PCDHA2: variants seen among roughly 807,000 people sequenced by gnomAD.
PCDHA2 encodes protocadherin alpha 2, also known as protocadherin alpha-2.
PCDHA2 carries 58 observed loss-of-function variants against 66.0 expected under a neutral mutation model. The ratio of observed to expected loss-of-function variants is 0.88; its 90% CI spans 0.71 to 1.09. The LOEUF (loss-of-function observed/expected upper bound fraction) is 1.09. PCDHA2 is among the 50% of genes least tolerant of loss of function. The pLI, the probability that PCDHA2 is intolerant of heterozygous loss-of-function variation, is 0.00. For synonymous variants in PCDHA2, 634 were observed against 554.0 expected, an observed-to-expected ratio of 1.14 and a Z score of -2.03; for missense variants, 1,267 against 1,242.3, an observed-to-expected ratio of 1.02 and a Z score of -0.30.
At chr5:140,836,137 TG>T in intron 1 of PCDHA2, 1 of 1,613,712 alleles carries the variant, frequency 6.2e-7, no homozygotes, top group Non-Finnish European at 8.5e-7. Context: ...CCGCGGTCTG[TG>T]GGCGCGGGCC....
At chr5:140,889,677 A>C (rs2062337974) in intron 1 of PCDHA2, among the ~76,000 whole-genome samples, 1 of 152,018 alleles carries the variant, frequency 6.6e-6, no homozygotes, top group Non-Finnish European at 1.5e-5. Flanking sequence ...TTTTATTTTA[A>C]ACCTTTTAGT....
intron 1 of PCDHA2, chr5:140,801,211 G>A (rs782110175): frequency 3.7e-6 from 6 of 1,605,724 alleles, no homozygotes; most frequent in South Asian, 2.2e-5. Flanking sequence ...TTGTTCTCCT[G>A]GCGAGAAGAT....
At chr5:140,983,473 ATAG>A (rs746174585) in intron 3 of PCDHA2, among the ~76,000 whole-genome samples, 7 of 152,242 alleles carry the variant, frequency 4.6e-5, no homozygotes, top group Admixed American at 6.5e-5. Flanking sequence ...CATGATGATA[ATAG>A]TAGTTACTAA....
chr5:140,989,240 C>T (rs1180879985), intron 3 of PCDHA2, among the ~76,000 whole-genome samples: 1 of 152,152 alleles, frequency 6.6e-6, no homozygotes, highest in Non-Finnish European at 1.5e-5. Flanking sequence ...AAGTTTTAAG[C>T]CCCTTGTCAA....
intron 1 of PCDHA2, chr5:140,870,383 G>C: frequency 6.2e-7 from 1 of 1,614,242 alleles, no homozygotes; most frequent in South Asian, 1.1e-5. Flanking sequence ...GTGACTGCGC[G>C]GGATGGGGGT....
intron 1 of PCDHA2, chr5:140,869,187 C>G (rs782446170): frequency 2.5e-6 from 4 of 1,613,830 alleles, no homozygotes; most frequent in African/African-American, 1.3e-5. Flanking sequence ...AGGTGGGGAG[C>G]GGCCAGCTCC....
chr5:140,879,564 A>G (rs1232052888), intron 1 of PCDHA2, among the ~76,000 whole-genome samples: 2 of 152,254 alleles, frequency 1.3e-5, no homozygotes, highest in Non-Finnish European at 1.5e-5. Context: ...CCATGAAAGA[A>G]TAAAATTGCC....
chr5:140,967,112 C>T (rs1338076103), intron 1 of PCDHA2: 4 of 1,612,876 alleles, frequency 2.5e-6, no homozygotes, highest in East Asian at 2.2e-5. Flanking sequence ...GCAGCGGCCT[C>T]GCTGCCTGCT....
chr5:140,876,120 T>C (rs782687154), intron 1 of PCDHA2: 15 of 1,613,844 alleles, frequency 9.3e-6, no homozygotes, highest in East Asian at 6.7e-5. Context: ...TGGTAATCGA[T>C]GGCGGTAAAC....
chr5:140,908,834 G>A (rs915665508), intron 1 of PCDHA2, among the ~76,000 whole-genome samples: 64 of 152,226 alleles, frequency 4.2e-4, no homozygotes, highest in African/African-American at 1.4e-3. Flanking sequence ...CGATAAATGG[G>A]CTGGAGTAAC....
At chr5:140,950,791 A>T (rs2153690738) in intron 1 of PCDHA2, among the ~76,000 whole-genome samples, 1 of 152,142 alleles carries the variant, frequency 6.6e-6, no homozygotes, top group East Asian at 1.9e-4. Flanking sequence ...CTTTTTAAAT[A>T]TTGTCTGGTT....
chr5:140,801,616 T>C, intron 1 of PCDHA2: 1 of 1,614,082 alleles, frequency 6.2e-7, no homozygotes, highest in Non-Finnish European at 8.5e-7. Flanking sequence ...GTAAAGAATC[T>C]GTTTATTTCC....
intron 1 of PCDHA2, chr5:140,876,605 A>T (rs1582292779): frequency 6.2e-7 from 1 of 1,614,060 alleles, no homozygotes; most frequent in South Asian, 1.1e-5. Context: ...TCGGATCGTG[A>T]CTCTGGAGCC....
Position 140,796,532 on chromosome 5 carries a change from T to A in PCDHA2, c.1568T>A (p.Leu523Gln), listed in dbSNP as rs782562923. The A allele has an allele frequency of 6.2e-7, 1 of 1,612,744 alleles. No homozygotes were observed. Among genetic ancestry groups the A allele is most frequent in the Non-Finnish European group, 8.5e-7 (1 of 1,179,838 alleles). ...GGCAAGGTGTACGCGCTGCAGCCGC[T>A]GGACCACGAGGAAGTGGAGCTGCTG... ...ESGKVYALQP[L>Q]DHEEVELLQF... Residue 523 changes from leucine (L) to glutamine (Q), a missense_variant, in exon 1 of 4, where the codon CTG becomes CAG. Coordinates refer to ENST00000526136, the MANE Select transcript of PCDHA2 (RefSeq NM_018905.3).
At chr5:140,893,771 T>C (rs1428542584) in intron 1 of PCDHA2, among the ~76,000 whole-genome samples, 1 of 152,186 alleles carries the variant, frequency 6.6e-6, no homozygotes, top group African/African-American at 2.4e-5. Flanking sequence ...CTTGTCACTT[T>C]TCTTTTACCG....
intron 1 of PCDHA2, among the ~76,000 whole-genome samples, chr5:140,943,772 T>G (rs371770047): frequency 2.9e-4 from 44 of 152,232 alleles, no homozygotes; most frequent in African/African-American, 6.7e-4. Context: ...GGAAAAAAAC[T>G]AGGAAGTGGT....
intron 1 of PCDHA2, chr5:140,852,575 CTTT>C (rs1395261617): frequency 1.3e-6 from 1 of 799,030 alleles, no homozygotes. Context: ...TGTGCCAAGG[CTTT>C]TTTATTTTTT....
chr5:140,838,075 ATAGTGTGT>A (rs2150283132), intron 1 of PCDHA2, among the ~76,000 whole-genome samples: 16,155 of 126,956 alleles, frequency 0.13, 1,025 homozygotes, highest in Middle Eastern at 0.15. Context: ...TTATATATAT[ATAGTGTGT>A]GTGTGTGTGT....
intron 1 of PCDHA2, among the ~76,000 whole-genome samples, chr5:140,932,852 T>C (rs2088679496): frequency 1.3e-5 from 2 of 151,996 alleles, no homozygotes; most frequent in Non-Finnish European, 2.9e-5. Flanking sequence ...ATAATGTTAA[T>C]GACTTATTGT....
Sources: allele counts gnomAD v4.1 joint callset (sites outside exome capture counted in the v4.1 genomes callset), GRCh38; gene constraint gnomAD v4.1.1; transcripts MANE v1.5; gene names NCBI Gene and HGNC (gene_info 2026-07-23, HGNC 2026-07-21).